The following MUSK variants were observed in gnomAD, a reference collection of about 807,000 sequenced individuals.
MUSK encodes muscle, skeletal receptor tyrosine-protein kinase.
In MUSK, 55 loss-of-function variants were observed where a neutral mutation model predicts 88.7. The ratio of observed to expected loss-of-function variants is 0.62; its 90% CI spans 0.50 to 0.78. The LOEUF (loss-of-function observed/expected upper bound fraction) is 0.78, where lower values mean the gene tolerates loss of function less well. Ranked by LOEUF, MUSK falls within the 30% of genes least tolerant of loss-of-function variation. The pLI is 0.00. For missense variants in MUSK, 1,015 were observed against 1,074.3 expected (o/e 0.94, Z 0.77); for synonymous variants, 387 against 391.9 (o/e 0.99, Z 0.15).
chr9:110,765,833 C>G (rs2077473978), intron 8 of MUSK, among the ~76,000 whole-genome samples: 1 of 152,134 alleles, frequency 6.6e-6, no homozygotes, highest in Non-Finnish European at 1.5e-5. Flanking sequence ...CTCGGCCTCC[C>G]AAAGTGCTGG....
At chr9:110,765,709 G>C (rs1273234448) in intron 8 of MUSK, among the ~76,000 whole-genome samples, 1 of 151,882 alleles carries the variant, frequency 6.6e-6, no homozygotes, top group Non-Finnish European at 1.5e-5. Flanking sequence ...GAGTAGCTGG[G>C]ATTACAGATG....
chr9:110,781,027 A>C (rs1481224281), intron 11 of MUSK, among the ~76,000 whole-genome samples: 2 of 152,090 alleles, frequency 1.3e-5, no homozygotes, highest in African/African-American at 4.8e-5. Flanking sequence ...AAATTACTTA[A>C]ATTGGTATAC....
At chr9:110,798,561 A>G (rs987653044) in intron 14 of MUSK, among the ~76,000 whole-genome samples, 7 of 152,132 alleles carry the variant, frequency 4.6e-5, no homozygotes, top group South Asian at 2.1e-4. Flanking sequence ...CCATCCATCT[A>G]TGCATCCATC....
intron 8 of MUSK, among the ~76,000 whole-genome samples, chr9:110,765,779 G>A (rs1448753102): frequency 1.3e-5 from 2 of 151,866 alleles, no homozygotes; most frequent in African/African-American, 4.8e-5. Flanking sequence ...TCTCGATGTC[G>A]GCCAGGCTGG....
At chr9:110,787,943 C>T (rs1336272938) in intron 14 of MUSK, 105 bp downstream of exon 14, 7 of 1,283,626 alleles carry the variant, frequency 5.5e-6, no homozygotes, top group Admixed American at 2.0e-5. Context: ...ATCAGTGAGA[C>T]GTTTCAGTTC....
At chr9:110,692,837 A>G (rs771564314) in intron 3 of MUSK, among the ~76,000 whole-genome samples, 2 of 132,316 alleles carry the variant, frequency 1.5e-5, no homozygotes, top group Non-Finnish European at 3.2e-5. Flanking sequence ...CCCCTGCATT[A>G]CTTTTATTTC....
At chr9:110,783,975 A>G (rs1041255432) in intron 11 of MUSK, among the ~76,000 whole-genome samples, 1 of 152,024 alleles carries the variant, frequency 6.6e-6, no homozygotes, top group Non-Finnish European at 1.5e-5. Flanking sequence ...TATTTAATCT[A>G]TTATTAATTG....
At chr9:110,683,833 T>C (rs1021874086) in intron 2 of MUSK, among the ~76,000 whole-genome samples, 6 of 152,134 alleles carry the variant, frequency 3.9e-5, no homozygotes, top group Non-Finnish European at 7.4e-5. Flanking sequence ...GATTAATATA[T>C]TTTTTACTAT....
intron 1 of MUSK, among the ~76,000 whole-genome samples, chr9:110,677,211 T>C (rs1294617797): frequency 6.6e-6 from 1 of 152,178 alleles, no homozygotes; most frequent in Non-Finnish European, 1.5e-5. Flanking sequence ...TCCAGCACCA[T>C]GCAGCCCCTT....
intron 14 of MUSK, chr9:110,788,158 T>C (rs980569643): frequency 3.9e-6 from 1 of 259,462 alleles, no homozygotes; most frequent in African/African-American, 2.3e-5. Context: ...GAAAAGTCTA[T>C]ATATTTTACT....
intron 3 of MUSK, among the ~76,000 whole-genome samples, chr9:110,689,330 ATT>A (rs975563123): frequency 9.3e-5 from 11 of 118,008 alleles, no homozygotes; most frequent in Non-Finnish European, 1.1e-4. Flanking sequence ...TTAAATATAT[ATT>A]TAAATATAAA....
intron 5 of MUSK, among the ~76,000 whole-genome samples, chr9:110,709,438 G>A (rs2076641147): frequency 6.6e-6 from 1 of 152,078 alleles, no homozygotes; most frequent in Admixed American, 6.5e-5. Flanking sequence ...CTTCCAGTAG[G>A]TTACTTATCT....
intron 6 of MUSK, among the ~76,000 whole-genome samples, chr9:110,735,958 C>T (rs2077025815): frequency 6.6e-6 from 1 of 152,086 alleles, no homozygotes; most frequent in Admixed American, 6.6e-5. Context: ...CCCCATGATC[C>T]AATCACCCCA....
At chr9:110,696,308 T>C (rs2076429872) in intron 4 of MUSK, among the ~76,000 whole-genome samples, 1 of 152,102 alleles carries the variant, frequency 6.6e-6, no homozygotes, top group Non-Finnish European at 1.5e-5. Flanking sequence ...TCCATATGCT[T>C]ATTTTGTACT....
chr9:110,706,274 G>T (rs2076597232), intron 5 of MUSK: 1 of 322,574 alleles, frequency 3.1e-6, no homozygotes, highest in Non-Finnish European at 6.2e-6. Context: ...TCACAGAAAT[G>T]AAAGCATTAT....
intron 11 of MUSK, 28 bp from the exon 12 acceptor site, chr9:110,784,787 G>A (rs1214421581): frequency 6.4e-7 from 1 of 1,565,030 alleles, no homozygotes; most frequent in Non-Finnish European, 8.7e-7. Context: ...GTTTGAGAAT[G>A]AATGAAATAA....
chr9:110,765,828 C>T (rs2077473921), intron 8 of MUSK, among the ~76,000 whole-genome samples: 1 of 152,158 alleles, frequency 6.6e-6, no homozygotes, highest in Non-Finnish European at 1.5e-5. Flanking sequence ...CCCATCTCGG[C>T]CTCCCAAAGT....
intron 6 of MUSK, among the ~76,000 whole-genome samples, chr9:110,745,296 G>A (rs1587983222): frequency 6.6e-6 from 1 of 152,294 alleles, no homozygotes; most frequent in East Asian, 1.9e-4. Context: ...GACTTTCTTA[G>A]GTGTGAACAT....
chr9:110,701,532 G>A (rs1220065372), intron 5 of MUSK, among the ~76,000 whole-genome samples: 1 of 151,812 alleles, frequency 6.6e-6, no homozygotes, highest in East Asian at 1.9e-4. Flanking sequence ...TGTTGCTCAG[G>A]CTGGAGTGCA....
Sources: allele counts gnomAD v4.1 joint callset (sites outside exome capture counted in the v4.1 genomes callset), GRCh38; gene constraint gnomAD v4.1.1; transcripts MANE v1.5; gene names NCBI Gene and HGNC (gene_info 2026-07-23, HGNC 2026-07-21).